ONECUT1: variants seen among roughly 807,000 people sequenced by gnomAD.
ONECUT1 encodes the protein one cut homeobox 1, also known as hepatocyte nuclear factor 6.
ONECUT1 carries 12 observed loss-of-function variants against 25.6 expected under a neutral mutation model. The observed-to-expected ratio is 0.47, with a 90% CI of 0.30 to 0.76. The LOEUF (loss-of-function observed/expected upper bound fraction) is 0.76. ONECUT1 is among the 30% of genes least tolerant of loss of function. The pLI is 0.07. For missense variants in ONECUT1, 620 were observed against 651.2 expected (o/e 0.95, Z 0.52); for synonymous variants, 285 against 270.2 (o/e 1.05, Z -0.54).
At chr15:52,786,161 C>A (rs1008650118) in intron 1 of ONECUT1, among the ~76,000 whole-genome samples, 9 of 152,240 alleles carry the variant, frequency 5.9e-5, no homozygotes, top group African/African-American at 2.2e-4. Flanking sequence ...CATTTTAAGG[C>A]TCATGCACTT....
At chr15:52,764,737 G>T (rs1410865208) in intron 1 of ONECUT1, among the ~76,000 whole-genome samples, 1 of 152,206 alleles carries the variant, frequency 6.6e-6, no homozygotes, top group African/African-American at 2.4e-5. Context: ...GCTTGGCATT[G>T]TCATAAGGGC....
chr15:52,763,783 C>T (rs1160746727), intron 1 of ONECUT1, among the ~76,000 whole-genome samples: 1 of 152,170 alleles, frequency 6.6e-6, no homozygotes, highest in East Asian at 1.9e-4. Flanking sequence ...TGAACCACTA[C>T]TGACCTGCAA....
At chr15:52,767,424 G>A (rs569845419) in intron 1 of ONECUT1, among the ~76,000 whole-genome samples, 18 of 152,194 alleles carry the variant, frequency 1.2e-4, no homozygotes, top group South Asian at 6.2e-4. Context: ...GAGAATTCTC[G>A]TTGAAAGAAT....
chr15:52,757,985 G>A (rs1482108407), intron 1 of ONECUT1, 138 bp from the exon 2 acceptor site: 1 of 866,006 alleles, frequency 1.2e-6, no homozygotes, highest in Non-Finnish European at 1.8e-6. Flanking sequence ...AGCACCATTG[G>A]AGGCTGGGAG....
Position 52,789,513 on chromosome 15 carries a change from G to T in ONECUT1, c.372C>A (p.His124Gln). 6.2e-7 allele frequency: 1 copy of T among 1,610,650 alleles called. No individual in the cohort carries two copies. The highest frequency in any genetic ancestry group is 8.5e-7 in the Non-Finnish European group (1 of 1,178,492). ...PISTVSDKFPHHHHHHHHHHH... is the reference protein window; with the variant it reads ...PISTVSDKFPQHHHHHHHHHH... ...GGTGGTGATGGTGGTGGTGGTGATG[G>T]TGGGGGAACTTGTCCGAGACTGTGG... is the stretch of plus-strand genomic sequence containing the variant. The change falls in exon 1 of 2, where the codon CAC (histidine) becomes CAA (glutamine). Residue 124 changes from histidine to glutamine, a missense_variant. His to Gln is a conservative substitution (Grantham distance 24, BLOSUM62 0). Coordinates refer to ENST00000305901, the MANE Select transcript of ONECUT1 (RefSeq NM_004498.4). This position sits in a 1 kb window ranked among gnomAD's most constrained non-coding sequence, Gnocchi z 4.1.
Position 52,788,879 on chromosome 15 carries a change from G to T in ONECUT1, c.1006C>A (p.Pro336Thr), listed in dbSNP as rs2083894810. The T allele has an allele frequency of 6.2e-7, 1 of 1,614,200 alleles. No individual in the cohort carries two copies. Among genetic ancestry groups the T allele is most frequent in the Non-Finnish European group, 8.5e-7 (1 of 1,180,038 alleles). ...CGGCCGGATTTGAGTTTGCTCCAGG[G>T]TTTGGGGTTGCGCAGCAGGTCCGAG... ...TLSDLLRNPKPWSKLKSGRET... is the reference protein window; with the variant it reads ...TLSDLLRNPKTWSKLKSGRET... Residue 336 changes from proline (P) to threonine (T), a missense_variant, in exon 1 of 2, where the codon CCC becomes ACC. Coordinates refer to ENST00000305901, the MANE Select transcript of ONECUT1 (RefSeq NM_004498.4). This position sits in a 1 kb window ranked among gnomAD's most constrained non-coding sequence, Gnocchi z 4.3.
Position 52,780,586 on chromosome 15 carries a change from A to G in ONECUT1, c.1105+8194T>C, listed in dbSNP as rs764893034. The G allele has an allele frequency of 2.0e-6, 3 of 1,535,190 alleles. No individual in the cohort carries two copies. In the South Asian group the frequency reaches 3.6e-5, roughly 18 times the overall value. On this transcript the variant is annotated intron_variant, in intron 1 of 1. Coordinates refer to ENST00000305901, the MANE Select transcript of ONECUT1 (RefSeq NM_004498.4). ...ATTGAAAGGACATTTAATAGCAAAG[A>G]TTAAATTGCCTTAATGAACGATTTT...
chr15:52,757,185 C>T lies in ONECUT1; in HGVS notation c.*370G>A, dbSNP rs1004849548. 1.4e-5 allele frequency: 3 copies of T among 214,664 alleles called. No homozygotes were observed. The highest frequency in any genetic ancestry group is 7.9e-5 in the South Asian group (1 of 12,648). The allele number at this position is 214,664 out of a possible 1,614,324, so 13.3% of individuals were successfully genotyped here. A position where few individuals can be genotyped will look rare whatever the true frequency, so the allele number is the denominator to read the frequency against. On this transcript the variant is annotated 3_prime_UTR_variant, in exon 2 of 2. Coordinates refer to ENST00000305901, the MANE Select transcript of ONECUT1 (RefSeq NM_004498.4). ...GTAGTACTGAGACACCATACACCTTCGTGGCATGGTAGAACAGATGAGAAA... is the reference window on the plus strand; with the variant it reads ...GTAGTACTGAGACACCATACACCTTTGTGGCATGGTAGAACAGATGAGAAA...
In ONECUT1 at chr15:52,789,876, C is replaced by T; in HGVS notation, c.9G>A (p.Ala3=). The T allele has an allele frequency of 6.5e-7, 1 of 1,537,938 alleles. No homozygotes were observed. Among genetic ancestry groups the T allele is most frequent in the South Asian group, 1.2e-5 (1 of 84,766 alleles). The part of the protein sequence containing the change: MN[A]QLTMEAIGEL... ...CGCCGATCGCTTCCATGGTCAGCTGCGCGTTCATCGTGATCCGGGCGAGCA... is the reference window on the plus strand; with the variant it reads ...CGCCGATCGCTTCCATGGTCAGCTGTGCGTTCATCGTGATCCGGGCGAGCA... The change falls in exon 1 of 2, where the codon GCG becomes GCA. Residue 3 remains alanine (A), a synonymous_variant. Transcript: ENST00000305901. The surrounding 1 kb of genome is among the most constrained non-coding windows in gnomAD (Gnocchi z 4.1).
At chr15:52,776,461 A>G (rs2083801514) in intron 1 of ONECUT1, among the ~76,000 whole-genome samples, 1 of 152,172 alleles carries the variant, frequency 6.6e-6, no homozygotes, top group Non-Finnish European at 1.5e-5. Flanking sequence ...ATGACATATA[A>G]TCAGACCCTC....
chr15:52,767,976 G>A (rs1221959744), intron 1 of ONECUT1, among the ~76,000 whole-genome samples: 1 of 152,098 alleles, frequency 6.6e-6, no homozygotes, highest in Non-Finnish European at 1.5e-5. Flanking sequence ...TCACGCGTAG[G>A]ATCTAAAAAA....
rs2083674860 is a variant in ONECUT1 at position 52,756,526 on chromosome 15, G to A, written c.*1029C>T. Among the ~76,000 whole-genome samples the A allele has an allele frequency of 6.6e-6, 1 of 152,148 alleles. No individual in the cohort carries two copies. The highest frequency in any genetic ancestry group is 6.5e-5 in the Admixed American group (1 of 15,274). ...AAAGATCCTCAGGTTTTCTCAGCTA[G>A]GAACAGATTATGGAACCATGTCTAT... On this transcript the variant is annotated 3_prime_UTR_variant, in exon 2 of 2. Coordinates refer to ENST00000305901, the MANE Select transcript of ONECUT1 (RefSeq NM_004498.4).
rs776965067 is a variant in ONECUT1, at chr15:52,789,218, G to T, written c.667C>A (p.Pro223Thr). The part of the protein sequence containing the change: ...LTPNGFEAHH[P>T]AMLGRHGEQH... ...TCCCCGTGGCGGCCGAGCATGGCCGGGTGGTGGGCTTCGAAGCCGTTGGGG... is the reference window on the plus strand; with the variant it reads ...TCCCCGTGGCGGCCGAGCATGGCCGTGTGGTGGGCTTCGAAGCCGTTGGGG... Residue 223 changes from proline to threonine, a missense_variant, in exon 1 of 2, where the codon CCG (proline) becomes ACG (threonine). Transcript: ENST00000305901. The surrounding 1 kb of genome is among the most constrained non-coding windows in gnomAD (Gnocchi z 4.1). 6.4e-7 allele frequency: 1 copy of T among 1,561,328 alleles called. No homozygotes were observed. The highest frequency in any genetic ancestry group is 8.6e-7 in the Non-Finnish European group (1 of 1,156,242).
chr15:52,783,273 C>A (rs374377147), intron 1 of ONECUT1, among the ~76,000 whole-genome samples: 2 of 152,210 alleles, frequency 1.3e-5, no homozygotes, highest in African/African-American at 4.8e-5. Flanking sequence ...GATACTCACA[C>A]AAAGCCGCGT....
chr15:52,770,598 C>T (rs929505311), intron 1 of ONECUT1, among the ~76,000 whole-genome samples: 6 of 152,066 alleles, frequency 3.9e-5, no homozygotes, highest in Non-Finnish European at 7.4e-5. Context: ...CACAAAGGGG[C>T]GGCTTGTTCA....
rs1032386340 is a variant in ONECUT1, at chr15:52,784,088, A to AG, written c.1105+4691dup. 1.3e-4 allele frequency among the ~76,000 whole-genome samples: 20 copies of AG among 152,164 alleles called. No individual in the cohort carries two copies. Among genetic ancestry groups the AG allele is most frequent in the African/African-American group, 3.4e-4 (14 of 41,444 alleles). On this transcript the variant is annotated intron_variant, in intron 1 of 1. Transcript: ENST00000305901. This position sits in a 1 kb window ranked among gnomAD's most constrained non-coding sequence, Gnocchi z 5.0. ...GGGTCGCCCAGCCCCGACGGCCCGC[A>AG]GGGGGCGCGCGCCGCAGCCGCAGCA...
intron 1 of ONECUT1, among the ~76,000 whole-genome samples, chr15:52,780,066 C>G (rs1041524083): frequency 6.6e-6 from 1 of 152,178 alleles, no homozygotes; most frequent in African/African-American, 2.4e-5. Flanking sequence ...TCCTCCCTAT[C>G]CCTTCCCATC....
At chr15:52,772,255 G>A (rs374549281) in intron 1 of ONECUT1, among the ~76,000 whole-genome samples, 91 of 152,208 alleles carry the variant, frequency 6.0e-4, no homozygotes, top group African/African-American at 2.0e-3. Flanking sequence ...TTAGCTGGGC[G>A]TTGTGGCACA....
chr15:52,761,677 AG>A (rs1415897927), intron 1 of ONECUT1, among the ~76,000 whole-genome samples: 19 of 152,238 alleles, frequency 1.2e-4, no homozygotes, highest in Admixed American at 8.5e-4. Context: ...TTTCAGAAAA[AG>A]AAAAGAAAAC....
Sources: allele counts gnomAD v4.1 joint callset (sites outside exome capture counted in the v4.1 genomes callset), GRCh38; gene constraint gnomAD v4.1.1; non-coding constraint Gnocchi (gnomAD v3.1); transcripts MANE v1.5; gene names NCBI Gene and HGNC (gene_info 2026-07-23, HGNC 2026-07-21).